Variants in GLOD4 observed in about 807,000 individuals in gnomAD.
GLOD4 encodes glyoxalase domain-containing protein 4.
GLOD4 carries 44 observed loss-of-function variants against 39.1 expected under a neutral mutation model. That is an observed-to-expected ratio of 1.13 (90% CI 0.88 to 1.45). The LOEUF is 1.45. Among genes scored for constraint, GLOD4 ranks in the 40% most tolerant of loss-of-function variants. GLOD4 has a pLI of 0.00. For missense variants in GLOD4, 405 were observed against 366.4 expected, an observed-to-expected ratio of 1.11 and a Z score of -0.86; for synonymous variants, 145 against 135.0, an observed-to-expected ratio of 1.07 and a Z score of -0.52.
intron 4 of GLOD4, among the ~76,000 whole-genome samples, chr17:775,568 T>C (rs1687366831): frequency 6.6e-6 from 1 of 152,184 alleles, no homozygotes; most frequent in Non-Finnish European, 1.5e-5. Flanking sequence ...ACATTACCAG[T>C]AGAACAGAAC....
chr17:778,472 G>A, intron 2 of GLOD4: 1 of 597,786 alleles, frequency 1.7e-6, no homozygotes, highest in Non-Finnish European at 3.0e-6. Flanking sequence ...CGACGCTCCT[G>A]AAGTTGCCTC....
At chr17:782,808 T>TATGC (rs989846118), upstream of GLOD4, 19 of 1,136,120 alleles carry the variant, frequency 1.7e-5, no homozygotes, top group African/African-American at 3.1e-5. Context: ...GTTTTTGTAT[T>TATGC]ATGCACAGAG....
chr17:768,898 A>C (rs955543884), intron 8 of GLOD4, among the ~76,000 whole-genome samples: 47 of 151,416 alleles, frequency 3.1e-4, no homozygotes, highest in Admixed American at 7.9e-4. Flanking sequence ...GAGAGAGAGA[A>C]ACAGCGCGCA....
chr17:761,591 G>A (rs1905442625), intron 8 of GLOD4, among the ~76,000 whole-genome samples: 1 of 152,138 alleles, frequency 6.6e-6, no homozygotes, highest in African/African-American at 2.4e-5. Flanking sequence ...TGCAACCTCT[G>A]CCTTCTGGGT....
intron 4 of GLOD4, among the ~76,000 whole-genome samples, chr17:773,397 C>G (rs988114463): frequency 6.6e-6 from 1 of 152,016 alleles, no homozygotes; most frequent in Non-Finnish European, 1.5e-5. Context: ...CGATGGAACT[C>G]CTAAAAAAGG....
upstream of GLOD4, among the ~76,000 whole-genome samples, chr17:785,574 C>G (rs2144519984): frequency 6.6e-6 from 1 of 152,322 alleles, no homozygotes; most frequent in East Asian, 1.9e-4. Context: ...AGTGGCTGTA[C>G]CCATTCTAAA....
At position 771,342 on chromosome 17, in the gene GLOD4, C is replaced by T. The variant is rs1567792235; in HGVS notation, c.526G>A (p.Gly176Ser). The change falls in exon 5 of 9, where the codon GGC becomes AGC. Residue 176 changes from glycine to serine, a missense_variant. Gly to Ser is a moderately conservative substitution (Grantham distance 56). Coordinates refer to ENST00000301329, the MANE Select transcript of GLOD4 (RefSeq NM_016080.4). ...KDEEKQRALL[G>S]YADNQCKLEL... ...TTGCTCACCTGGTTATCAGCATAGC[C>T]CAGCAAAGCCCTTTGCTTTTCTTCA... The T allele has an allele frequency of 6.3e-7, 1 of 1,599,118 alleles. No individual in the cohort carries two copies.
chr17:784,091 G>T (rs146470547), upstream of GLOD4, among the ~76,000 whole-genome samples: 1 of 152,202 alleles, frequency 6.6e-6, no homozygotes, highest in Non-Finnish European at 1.5e-5. Context: ...TCCTTCATTT[G>T]GCTGAATCTG....
chr17:766,356 G>A (rs1906558789), intron 8 of GLOD4, among the ~76,000 whole-genome samples: 1 of 151,870 alleles, frequency 6.6e-6, no homozygotes, highest in Non-Finnish European at 1.5e-5. Context: ...AGCACTTTGG[G>A]AGGCCAAGGC....
rs1046097980 is a variant in GLOD4 at position 760,064 on chromosome 17, T to C, written c.*109A>G. The C allele has an allele frequency of 4.9e-5, 36 of 736,278 alleles. No individual in the cohort carries two copies. Among genetic ancestry groups the C allele is most frequent in the Non-Finnish European group, 7.9e-5 (32 of 402,928 alleles). The allele number at this position is 736,278 out of a possible 1,614,324, so 45.6% of individuals were successfully genotyped here. A position where few individuals can be genotyped will look rare whatever the true frequency, so the allele number is the denominator to read the frequency against. ...ACAAATCTGCACTACCCAAGCCTCC[T>C]TGCCTGTACGGGAAACAAATCAGAA... is the stretch of plus-strand genomic sequence containing the variant. On this transcript the variant is annotated 3_prime_UTR_variant, in exon 9 of 9. Transcript: ENST00000301329.
intron 4 of GLOD4, among the ~76,000 whole-genome samples, chr17:771,768 G>C (rs374621008): frequency 1.7e-3 from 266 of 152,270 alleles, no homozygotes; most frequent in African/African-American, 5.8e-3. Context: ...ACTTTGGGAG[G>C]CCAAGGCAAG....
At position 770,458 on chromosome 17, in the gene GLOD4, G is replaced by A. The variant is rs1907753249; in HGVS notation, c.593C>T (p.Ala198Val). The change falls in exon 6 of 9, where the codon GCT (alanine) becomes GTT (valine). Residue 198 changes from alanine to valine, a missense_variant. Transcript: ENST00000301329. ...GCAAGAGAAGGCAATTCTTCCAAAA[G>A]CTGCTGCATGGTCCACCCCACCCTT... ...GVKGGVDHAA[A>V]FGRIAFSCPQ... is the part of the protein sequence containing the mutation. 6.3e-7 allele frequency: 1 copy of A among 1,592,730 alleles called. No individual in the cohort carries two copies. Among genetic ancestry groups the A allele is most frequent in the African/African-American group, 1.3e-5 (1 of 74,490 alleles).
At chr17:774,934 T>C (rs1049922958) in intron 4 of GLOD4, among the ~76,000 whole-genome samples, 16 of 151,992 alleles carry the variant, frequency 1.1e-4, no homozygotes, top group Admixed American at 6.6e-4. Flanking sequence ...CTGGGCGTGG[T>C]GGCATGTGCC....
upstream of GLOD4, among the ~76,000 whole-genome samples, chr17:785,361 C>T (rs972800393): frequency 6.6e-6 from 1 of 151,858 alleles, no homozygotes; most frequent in African/African-American, 2.4e-5. Context: ...AAATTCTTTC[C>T]ATAAAACTTT....
rs1909370406 is a variant in GLOD4 at position 778,737 on chromosome 17, C to T, written c.98G>A (p.Arg33Gln). ...GCAGCCTTCTTCAAATTCCTCATGC[C>T]GCAGAACCTGGTGTGAGATTTAGAA... is the stretch of plus-strand genomic sequence containing the variant. The part of the protein sequence containing the change: ...YRDVLGMKVL[R>Q]HEEFEEGCKA... Residue 33 changes from arginine (R) to glutamine (Q), a missense_variant, in exon 2 of 9, where the codon CGG (arginine) becomes CAG (glutamine). Arg to Gln is a conservative substitution (Grantham distance 43). Transcript: ENST00000301329. 5.6e-6 allele frequency: 9 copies of T among 1,598,380 alleles called. No homozygotes were observed. The highest frequency in any genetic ancestry group is 4.4e-5 in the South Asian group (4 of 90,748).
At position 778,682 on chromosome 17, in the gene GLOD4, C is replaced by T. The variant is rs1377278687; in HGVS notation, c.140+13G>A. ...AGAGCCTAAAGGAGATTTTAAGAAA[C>T]AAGGTATCATACCCATTACAGGCAG... is the stretch of plus-strand genomic sequence containing the variant. On this transcript the variant is annotated intron_variant, in intron 2 of 8. Transcript: ENST00000301329. 7 of 1,484,076 alleles carry T rather than the reference C, an allele frequency of 4.7e-6. No individual in the cohort carries two copies. In the African/African-American group the frequency reaches 5.5e-5, roughly 12 times the overall value. The allele number at this position is 1,484,076 out of a possible 1,614,324, so 91.9% of individuals were successfully genotyped here. A position where few individuals can be genotyped will look rare whatever the true frequency, so the allele number is the denominator to read the frequency against.
chr17:780,922 T>C (rs1198542460), intron 1 of GLOD4, among the ~76,000 whole-genome samples: 5 of 149,180 alleles, frequency 3.4e-5, no homozygotes, highest in African/African-American at 1.2e-4. Context: ...TGAATCTTTT[T>C]TTTTTTTTTT....
At chr17:782,637 T>C, upstream of GLOD4, 1 of 1,613,664 alleles carries the variant, frequency 6.2e-7, no homozygotes. Flanking sequence ...TCCCAGCACC[T>C]GGGAAGAGTC....
At chr17:781,447 C>T (rs1210307823) in intron 1 of GLOD4, among the ~76,000 whole-genome samples, 1 of 152,166 alleles carries the variant, frequency 6.6e-6, no homozygotes, top group Non-Finnish European at 1.5e-5. Flanking sequence ...CAAAACTCAA[C>T]GTAGTACCCT....
Sources: gnomAD v4.1 joint callset for allele counts (sites outside exome capture counted in the v4.1 genomes callset) on GRCh38, gnomAD v4.1.1 for gene constraint, MANE v1.5 for transcripts, NCBI Gene and HGNC (gene_info 2026-07-23, HGNC 2026-07-21) for gene names.